The following LRRFIP1 variants were observed in gnomAD, a reference collection of about 807,000 sequenced individuals.
The protein encoded by LRRFIP1 is leucine-rich repeat flightless-interacting protein 1.
Under a neutral mutation model 104.4 loss-of-function variants are expected in LRRFIP1, and 62 were observed. The observed-to-expected ratio is 0.59, with a 90% CI of 0.48 to 0.73. LRRFIP1 has a LOEUF of 0.73. Ranked by LOEUF, LRRFIP1 falls within the 30% of genes least tolerant of loss-of-function variation. The probability of loss-of-function intolerance (pLI) is 0.00; values close to 1 mark genes in which losing one functional copy is unlikely to be tolerated. For missense variants in LRRFIP1, 796 were observed against 824.5 expected, an observed-to-expected ratio of 0.97 and a Z score of 0.42; for synonymous variants, 300 against 299.0, an observed-to-expected ratio of 1.00 and a Z score of -0.03.
At chr2:237,758,125 C>G (rs533621674) in intron 17 of LRRFIP1, among the ~76,000 whole-genome samples, 7 of 152,212 alleles carry the variant, frequency 4.6e-5, no homozygotes, top group African/African-American at 1.7e-4. Context: ...GATTCCTACA[C>G]ATAGCTCTAA....
chr2:237,769,756 G>A (rs2060464888), intron 19 of LRRFIP1, 187 bp from the exon 20 acceptor site: 1 of 579,078 alleles, frequency 1.7e-6, no homozygotes, highest in Non-Finnish European at 3.1e-6. Context: ...CTGGGAGGTT[G>A]ACCCAACCTC....
intron 8 of LRRFIP1, chr2:237,729,670 G>A: frequency 7.2e-6 from 2 of 279,468 alleles, no homozygotes; most frequent in Non-Finnish European, 1.1e-5. Flanking sequence ...GGCTCCTAGT[G>A]TTGGCTCGGT....
chr2:237,770,934 T>G (rs1053860759), intron 20 of LRRFIP1, among the ~76,000 whole-genome samples: 1 of 152,082 alleles, frequency 6.6e-6, no homozygotes, highest in Non-Finnish European at 1.5e-5. Context: ...TACCATTCTG[T>G]TGAAGATTCT....
chr2:237,691,768 C>A lies in LRRFIP1; in HGVS notation c.97-16776C>A, dbSNP rs905769339. On this transcript the variant is annotated intron_variant, in intron 1 of 23. Coordinates refer to ENST00000308482, the MANE Select transcript of LRRFIP1 (RefSeq NM_001137550.2). This position sits in a 1 kb window ranked among gnomAD's most constrained non-coding sequence, Gnocchi z 5.4. The stretch of plus-strand genomic sequence containing the variant: ...CCCCGGAGCGCCCGCTTCCCACGGC[C>A]CCTGCGGGTGGAGCTGCGGCCGGAG... 6.6e-6 allele frequency among the ~76,000 whole-genome samples: 1 copy of A among 152,190 alleles called. No homozygotes were observed. Among genetic ancestry groups the A allele is most frequent in the Non-Finnish European group, 1.5e-5 (1 of 68,018 alleles).
chr2:237,646,674 G>T (rs1215523424), intron 1 of LRRFIP1, among the ~76,000 whole-genome samples: 1 of 151,980 alleles, frequency 6.6e-6, no homozygotes, highest in East Asian at 1.9e-4. Flanking sequence ...TATTGCCCTT[G>T]TAAGAAGAGA....
At chr2:237,701,948 G>A (rs923213254) in intron 1 of LRRFIP1, among the ~76,000 whole-genome samples, 2 of 152,226 alleles carry the variant, frequency 1.3e-5, no homozygotes, top group South Asian at 2.1e-4. Flanking sequence ...CCTGCAGGGG[G>A]AGAAGGGTCA....
intron 1 of LRRFIP1, among the ~76,000 whole-genome samples, chr2:237,677,618 T>A (rs1054260832): frequency 1.3e-5 from 2 of 152,160 alleles, no homozygotes; most frequent in African/African-American, 4.8e-5. Context: ...ATAGCAAGAA[T>A]CCAATCTCTA....
chr2:237,781,554 C>A lies in LRRFIP1; in HGVS notation c.*2022C>A, dbSNP rs2061425560. Among the ~76,000 whole-genome samples the A allele has an allele frequency of 6.6e-6, 1 of 152,332 alleles. No homozygotes were observed. Among genetic ancestry groups the A allele is most frequent in the African/African-American group, 2.4e-5 (1 of 41,572 alleles). ...CACCAATTCTTTTGGAAACAGCAAA[C>A]CAATGTTACACACACTTCCTAATCC... is the stretch of plus-strand genomic sequence containing the variant. On this transcript the variant is annotated 3_prime_UTR_variant, in exon 24 of 24. Coordinates refer to ENST00000308482, the MANE Select transcript of LRRFIP1 (RefSeq NM_001137550.2).
intron 1 of LRRFIP1, among the ~76,000 whole-genome samples, chr2:237,707,612 C>T (rs1007995736): frequency 1.4e-4 from 21 of 152,148 alleles, no homozygotes; most frequent in African/African-American, 4.8e-4. Context: ...AGAAAACCTG[C>T]ACTCAGTAAC....
intron 10 of LRRFIP1, among the ~76,000 whole-genome samples, chr2:237,737,201 G>A (rs1248094497): frequency 6.6e-6 from 1 of 152,198 alleles, no homozygotes; most frequent in Non-Finnish European, 1.5e-5. Context: ...ATCACCAGTG[G>A]CATTGTCTGA....
chr2:237,647,360 C>T (rs1002292174), intron 1 of LRRFIP1, among the ~76,000 whole-genome samples: 1 of 152,044 alleles, frequency 6.6e-6, no homozygotes, highest in African/African-American at 2.4e-5. Context: ...TGGCTCTTAA[C>T]ACTTCTGCCC....
rs561055168 is a variant in LRRFIP1 at position 237,734,950 on chromosome 2, T to G, written c.490-318T>G. ...CATGACAAAATTCAGGATGTTCGAA[T>G]TATCTGCTCATTTTAACCTGGATTA... On this transcript the variant is annotated intron_variant, in intron 9 of 23. Transcript: ENST00000308482. Among the ~76,000 whole-genome samples, 19 of 152,360 alleles carry G rather than the reference T, an allele frequency of 1.2e-4. No individual in the cohort carries two copies. The South Asian group carries it at 3.3e-3, about 27-fold the overall frequency.
At chr2:237,653,614 C>T (rs909762472) in intron 1 of LRRFIP1, among the ~76,000 whole-genome samples, 1 of 152,166 alleles carries the variant, frequency 6.6e-6, no homozygotes, top group African/African-American at 2.4e-5. Context: ...AAATCTAATG[C>T]AAAGCTGTAA....
At chr2:237,709,482 GGTT>G (rs2093970820) in intron 2 of LRRFIP1, among the ~76,000 whole-genome samples, 1 of 152,116 alleles carries the variant, frequency 6.6e-6, no homozygotes, top group African/African-American at 2.4e-5. Flanking sequence ...TTAATACACA[GGTT>G]GTTGTTTGGC....
intron 1 of LRRFIP1, among the ~76,000 whole-genome samples, chr2:237,696,845 G>A (rs1217309022): frequency 6.6e-6 from 1 of 152,194 alleles, no homozygotes; most frequent in Non-Finnish European, 1.5e-5. Flanking sequence ...TTTCTTGGCA[G>A]CCCTGCTGTC....
Position 237,694,297 on chromosome 2 carries a change from A to G in LRRFIP1, c.97-14247A>G, listed in dbSNP as rs563753435. The stretch of plus-strand genomic sequence containing the variant: ...TGCTGAATTCTGAATCATGGCCCCA[A>G]GGGTTTTCAGAGAGAAGTTGTGAAC... On this transcript the variant is annotated intron_variant, in intron 1 of 23. Coordinates refer to ENST00000308482, the MANE Select transcript of LRRFIP1 (RefSeq NM_001137550.2). Among the ~76,000 whole-genome samples, 20 of 152,350 alleles carry G rather than the reference A, an allele frequency of 1.3e-4. No individual in the cohort carries two copies. The South Asian group carries it at 3.9e-3, about 30-fold the overall frequency.
At chr2:237,755,503 C>T (rs558742028) in intron 15 of LRRFIP1, among the ~76,000 whole-genome samples, 2 of 152,220 alleles carry the variant, frequency 1.3e-5, no homozygotes, top group African/African-American at 4.8e-5. Flanking sequence ...CCTGGGGGGG[C>T]CCTTCGTCGG....
At chr2:237,662,671 G>A (rs997704359) in intron 1 of LRRFIP1, among the ~76,000 whole-genome samples, 1 of 151,926 alleles carries the variant, frequency 6.6e-6, no homozygotes, top group Non-Finnish European at 1.5e-5. Flanking sequence ...CATTCTCGGT[G>A]TGGCTATTTA....
At chr2:237,737,001 G>A (rs775291686) in intron 10 of LRRFIP1, among the ~76,000 whole-genome samples, 12 of 152,146 alleles carry the variant, frequency 7.9e-5, no homozygotes, top group Non-Finnish European at 1.8e-4. Context: ...CGGCCCCGGC[G>A]CCCAGGCCTG....
Sources: gnomAD v4.1 joint callset for allele counts (sites outside exome capture counted in the v4.1 genomes callset) on GRCh38, gnomAD v4.1.1 for gene constraint, Gnocchi (gnomAD v3.1) non-coding constraint, MANE v1.5 for transcripts, NCBI Gene and HGNC (gene_info 2026-07-23, HGNC 2026-07-21) for gene names.